Variants in RPH3A observed in about 807,000 individuals in gnomAD.
RPH3A encodes the protein rabphilin 3A, also known as rabphilin-3A.
In RPH3A, 48 loss-of-function variants were observed where a neutral mutation model predicts 102.2. The ratio of observed to expected loss-of-function variants is 0.47; its 90% CI spans 0.37 to 0.60. RPH3A has a LOEUF of 0.60. RPH3A is among the 20% of genes least tolerant of loss of function. The pLI, the probability that RPH3A is intolerant of heterozygous loss-of-function variation, is 0.00. For missense variants in RPH3A, 781 were observed against 910.1 expected, an observed-to-expected ratio of 0.86 and a Z score of 1.83; for synonymous variants, 310 against 324.3, an observed-to-expected ratio of 0.96 and a Z score of 0.47.
intron 3 of RPH3A, among the ~76,000 whole-genome samples, chr12:112,830,139 A>G (rs899047924): frequency 3.9e-5 from 6 of 152,242 alleles, no homozygotes; most frequent in African/African-American, 4.8e-5. Flanking sequence ...TTAATATAAA[A>G]CTTCCCTCTT....
chr12:112,599,633 AT>A (rs1338567806), intron 1 of RPH3A, among the ~76,000 whole-genome samples: 1 of 152,120 alleles, frequency 6.6e-6, no homozygotes, highest in African/African-American at 2.4e-5. Context: ...TGCTCACCTG[AT>A]TTTTTGGATG....
chr12:112,816,129 G>A (rs983972020), intron 2 of RPH3A, among the ~76,000 whole-genome samples: 1 of 152,168 alleles, frequency 6.6e-6, no homozygotes, highest in Non-Finnish European at 1.5e-5. Flanking sequence ...GTGGAGTCAT[G>A]TACTATATTT....
chr12:112,878,449 T>G (rs899274295), intron 13 of RPH3A, among the ~76,000 whole-genome samples: 7 of 152,154 alleles, frequency 4.6e-5, no homozygotes, highest in African/African-American at 1.7e-4. Context: ...ACAAAGTGCC[T>G]CAAACTGTTC....
intron 1 of RPH3A, among the ~76,000 whole-genome samples, chr12:112,614,688 C>CAA (rs35810360): frequency 0.037 from 1,013 of 27,114 alleles, 125 homozygotes; most frequent in African/African-American, 0.12. Context: ...GACCCTGCCT[C>CAA]AAAAAAAAAA....
intron 19 of RPH3A, 103 bp downstream of exon 19, chr12:112,891,106 C>A: frequency 7.3e-7 from 1 of 1,363,252 alleles, no homozygotes; most frequent in Non-Finnish European, 1.0e-6. Flanking sequence ...CACTGAGACC[C>A]AGAGAGGGCA....
chr12:112,649,742 C>A (rs1307200520), intron 1 of RPH3A, among the ~76,000 whole-genome samples: 1 of 152,294 alleles, frequency 6.6e-6, no homozygotes, highest in Admixed American at 6.5e-5. Context: ...GTGGCTTAAA[C>A]AATGGCAATT....
chr12:112,631,095 C>T (rs1432164581), intron 1 of RPH3A, among the ~76,000 whole-genome samples: 2 of 152,092 alleles, frequency 1.3e-5, no homozygotes, highest in African/African-American at 2.4e-5. Context: ...TACAGGTGCA[C>T]AGTGGGTAAC....
rs569172856 is a variant in RPH3A at position 112,817,468 on chromosome 12, C to T, written c.-18-10833C>T. On this transcript the variant is annotated intron_variant, in intron 2 of 21. Coordinates refer to ENST00000389385, the MANE Select transcript of RPH3A (RefSeq NM_001143854.2). The stretch of plus-strand genomic sequence containing the variant: ...AAGACACCCCCACCCCCACCCCAGG[C>T]AGAACCAATCCCACAGTCTGTCAGC... Among the ~76,000 whole-genome samples the T allele has an allele frequency of 2.0e-5, 3 of 148,840 alleles. No individual in the cohort carries two copies. The East Asian group carries it at 5.9e-4, about 29-fold the overall frequency.
At chr12:112,772,880 A>AC (rs2040937148) in intron 1 of RPH3A, among the ~76,000 whole-genome samples, 1 of 151,348 alleles carries the variant, frequency 6.6e-6, no homozygotes, top group Admixed American at 6.6e-5. Flanking sequence ...TTTATCCCTC[A>AC]CCCCCTCCCA....
At chr12:112,857,163 G>T (rs909343628) in intron 5 of RPH3A, among the ~76,000 whole-genome samples, 2 of 152,160 alleles carry the variant, frequency 1.3e-5, no homozygotes, top group African/African-American at 4.8e-5. Context: ...AGGGTCAAAA[G>T]CTTGGCTTGC....
chr12:112,885,789 A>T (rs1430690466), intron 16 of RPH3A, among the ~76,000 whole-genome samples: 4 of 152,304 alleles, frequency 2.6e-5, no homozygotes, highest in South Asian at 4.2e-4. Flanking sequence ...CACTATTTTT[A>T]AATGTACAAT....
chr12:112,882,571 G>A (rs969397177), intron 15 of RPH3A, among the ~76,000 whole-genome samples: 4 of 152,234 alleles, frequency 2.6e-5, no homozygotes, highest in African/African-American at 7.2e-5. Flanking sequence ...TGTACACACC[G>A]CCCTCCACCC....
chr12:112,728,926 C>A (rs2040614255), intron 1 of RPH3A, among the ~76,000 whole-genome samples: 1 of 152,180 alleles, frequency 6.6e-6, no homozygotes, highest in Non-Finnish European at 1.5e-5. Context: ...CTTCCCAGAA[C>A]CAGAGCGCTG....
intron 1 of RPH3A, among the ~76,000 whole-genome samples, chr12:112,606,055 C>G (rs889129594): frequency 9.2e-5 from 14 of 152,180 alleles, no homozygotes; most frequent in African/African-American, 3.4e-4. Flanking sequence ...AGGTGTTGAG[C>G]AGCCACTTAT....
At chr12:112,660,849 C>T (rs949127577) in intron 1 of RPH3A, among the ~76,000 whole-genome samples, 3 of 152,136 alleles carry the variant, frequency 2.0e-5, no homozygotes, top group South Asian at 4.1e-4. Flanking sequence ...TTAATTAACC[C>T]TTAGGTCACA....
intron 5 of RPH3A, chr12:112,850,695 T>A (rs2042308645): frequency 2.0e-5 from 3 of 152,216 alleles, no homozygotes; most frequent in Admixed American, 2.0e-4. Flanking sequence ...CCACCCACAC[T>A]TCCCTGGGAG....
At position 112,730,718 on chromosome 12, in the gene RPH3A, C is replaced by T. The variant is rs558621510; in HGVS notation, c.-139-61425C>T. Reference sequence around the variant, plus strand: ...GGTTTTAACTTTCTCATCTACAACCCGTGAAAATACCTGGCCGAGACGGTC... The same window carrying T: ...GGTTTTAACTTTCTCATCTACAACCTGTGAAAATACCTGGCCGAGACGGTC... On this transcript the variant is annotated intron_variant, in intron 1 of 21. Transcript: ENST00000543106. 2.6e-5 allele frequency among the ~76,000 whole-genome samples: 4 copies of T among 152,246 alleles called. No homozygotes were observed. The South Asian group carries it at 6.2e-4, about 24-fold the overall frequency.
At chr12:112,733,313 GCACA>G (rs2040646809) in intron 1 of RPH3A, among the ~76,000 whole-genome samples, 1 of 152,124 alleles carries the variant, frequency 6.6e-6, no homozygotes, top group African/African-American at 2.4e-5. Context: ...GCACATATCT[GCACA>G]CACATACACC....
At chr12:112,694,124 C>T (rs1426337847) in intron 1 of RPH3A, among the ~76,000 whole-genome samples, 1 of 152,196 alleles carries the variant, frequency 6.6e-6, no homozygotes, top group Non-Finnish European at 1.5e-5. Context: ...GTTCATACTC[C>T]CTGAGTGGCC....
Sources: allele counts gnomAD v4.1 joint callset (sites outside exome capture counted in the v4.1 genomes callset), GRCh38; gene constraint gnomAD v4.1.1; transcripts MANE v1.5; gene names NCBI Gene and HGNC (gene_info 2026-07-23, HGNC 2026-07-21).